Variants in VMP1 observed in about 807,000 individuals in gnomAD.
The protein encoded by VMP1 is vacuole membrane protein 1.
A neutral mutation model predicts 56.0 loss-of-function variants in VMP1; 11 were observed. The observed-to-expected ratio is 0.20, with a 90% CI of 0.12 to 0.32. VMP1 has a LOEUF of 0.32. VMP1 is among the 10% of genes least tolerant of loss of function. The pLI is 1.00. For synonymous variants in VMP1, 149 were observed against 165.0 expected, an observed-to-expected ratio of 0.90 and a Z score of 0.74; for missense variants, 296 against 490.3, an observed-to-expected ratio of 0.60 and a Z score of 3.74.
chr17:59,794,651 G>A (rs2037371497), intron 7 of VMP1, among the ~76,000 whole-genome samples: 1 of 148,472 alleles, frequency 6.7e-6, no homozygotes, highest in Non-Finnish European at 1.5e-5. Context: ...AAAGGAGGGC[G>A]AGAGAGCACT....
At chr17:59,776,120 G>C (rs1290252125) in intron 7 of VMP1, among the ~76,000 whole-genome samples, 1 of 152,064 alleles carries the variant, frequency 6.6e-6, no homozygotes, top group Non-Finnish European at 1.5e-5. Flanking sequence ...GCTAAAACAG[G>C]AGCATTGCTT....
In VMP1 at chr17:59,793,130, G is replaced by A. The variant is rs1484040518; in HGVS notation, c.715-15666G>A. On this transcript the variant is annotated intron_variant, in intron 7 of 11. Coordinates refer to ENST00000262291, the MANE Select transcript of VMP1 (RefSeq NM_030938.5). Reference sequence around the variant, plus strand: ...CGAGTTCAAGCAATTCTCCTGCCTCGGCCTTCCAACGTGCTAGGATTACAG... The same window carrying A: ...CGAGTTCAAGCAATTCTCCTGCCTCAGCCTTCCAACGTGCTAGGATTACAG... 3.6e-5 allele frequency among the ~76,000 whole-genome samples: 4 copies of A among 110,050 alleles called. 1 individual carries two copies. Among genetic ancestry groups the A allele is most frequent in the Non-Finnish European group, 6.7e-5 (3 of 44,536 alleles). 72.2% of individuals were successfully genotyped at this position (110,050 alleles called of 152,430 possible). A position where few individuals can be genotyped will look rare whatever the true frequency, so the allele number is the denominator to read the frequency against.
chr17:59,774,001 AAG>A, intron 7 of VMP1, 116 bp downstream of exon 7: 8 of 1,012,592 alleles, frequency 7.9e-6, no homozygotes, highest in East Asian at 3.0e-5. Flanking sequence ...AAAAAAAAAA[AAG>A]AAAGAAAAAT....
chr17:59,826,887 C>T (rs1271349634), intron 10 of VMP1, among the ~76,000 whole-genome samples: 3 of 152,206 alleles, frequency 2.0e-5, no homozygotes, highest in African/African-American at 7.2e-5. Flanking sequence ...GAAATTTAGA[C>T]TAGAGCACCA....
intron 10 of VMP1, among the ~76,000 whole-genome samples, chr17:59,834,907 A>T (rs1395964163): frequency 6.6e-6 from 1 of 150,604 alleles, no homozygotes; most frequent in Non-Finnish European, 1.5e-5. Flanking sequence ...TACAGGTGTG[A>T]ACCACCGAGG....
intron 7 of VMP1, among the ~76,000 whole-genome samples, chr17:59,808,019 A>G (rs1446823127): frequency 6.6e-6 from 1 of 152,186 alleles, no homozygotes; most frequent in Non-Finnish European, 1.5e-5. Context: ...CAAAACCAGA[A>G]AATAATTAAA....
At chr17:59,819,684 C>G (rs954515453) in intron 10 of VMP1, among the ~76,000 whole-genome samples, 3 of 152,160 alleles carry the variant, frequency 2.0e-5, no homozygotes, top group Admixed American at 6.6e-5. Context: ...AAACTCCTGA[C>G]CTGGTGATCC....
At chr17:59,814,938 A>G (rs2038174825) in intron 9 of VMP1, among the ~76,000 whole-genome samples, 1 of 152,196 alleles carries the variant, frequency 6.6e-6, no homozygotes, top group Admixed American at 6.5e-5. Flanking sequence ...GTGGGTAAAC[A>G]ATATTAGTAA....
At chr17:59,783,868 T>G (rs1471396551) in intron 7 of VMP1, among the ~76,000 whole-genome samples, 3 of 152,082 alleles carry the variant, frequency 2.0e-5, no homozygotes, top group Non-Finnish European at 4.4e-5. Context: ...CCACACAAAG[T>G]AACAAAAATA....
intron 7 of VMP1, among the ~76,000 whole-genome samples, chr17:59,788,697 C>T (rs1221859952): frequency 1.3e-5 from 2 of 150,090 alleles, no homozygotes; most frequent in Admixed American, 1.3e-4. Flanking sequence ...GTCCCAGCTG[C>T]TTGGGAGGCT....
chr17:59,764,862 T>C, intron 5 of VMP1, 109 bp from the exon 6 acceptor site: 1 of 820,464 alleles, frequency 1.2e-6, no homozygotes, highest in South Asian at 4.6e-5. Flanking sequence ...ATTTTTGTTC[T>C]TTGAAAGCTA....
intron 1 of VMP1, among the ~76,000 whole-genome samples, chr17:59,714,103 A>G (rs1327438572): frequency 6.6e-6 from 1 of 151,878 alleles, no homozygotes; most frequent in Non-Finnish European, 1.5e-5. Context: ...TGCTTATACC[A>G]GAATACCCGA....
At chr17:59,798,000 GC>G (rs1458840430) in intron 7 of VMP1, among the ~76,000 whole-genome samples, 1 of 152,208 alleles carries the variant, frequency 6.6e-6, no homozygotes, top group African/African-American at 2.4e-5. Flanking sequence ...TACTAGGAGT[GC>G]CACCAGCAGG....
intron 9 of VMP1, among the ~76,000 whole-genome samples, chr17:59,816,410 A>C (rs573139976): frequency 1.4e-3 from 210 of 152,350 alleles, no homozygotes; most frequent in African/African-American, 4.8e-3. Context: ...TAATATTCAC[A>C]TACCAATTGT....
chr17:59,813,942 A>G (rs1194817735), intron 9 of VMP1, among the ~76,000 whole-genome samples: 1 of 150,238 alleles, frequency 6.7e-6, no homozygotes, highest in African/African-American at 2.5e-5. Flanking sequence ...ACTAGTATAT[A>G]TTTAAACATA....
At chr17:59,789,147 T>C (rs1206148138) in intron 7 of VMP1, among the ~76,000 whole-genome samples, 1 of 149,088 alleles carries the variant, frequency 6.7e-6, no homozygotes. Flanking sequence ...AAAATTAGCC[T>C]GGCGTGGTGG....
At chr17:59,794,619 TG>T (rs555041746) in intron 7 of VMP1, among the ~76,000 whole-genome samples, 70 of 140,668 alleles carry the variant, frequency 5.0e-4, no homozygotes, top group African/African-American at 1.8e-3. Flanking sequence ...ATCTTAATGC[TG>T]GTAACTGGGC....
chr17:59,793,245 C>T (rs924426489), intron 7 of VMP1, among the ~76,000 whole-genome samples: 2 of 113,064 alleles, frequency 1.8e-5, no homozygotes, highest in African/African-American at 5.2e-5. Flanking sequence ...CTTGAACTCC[C>T]GACCTCAGTT....
chr17:59,746,452 G>A (rs559755524), intron 5 of VMP1, among the ~76,000 whole-genome samples: 94 of 152,332 alleles, frequency 6.2e-4, no homozygotes, highest in African/African-American at 2.0e-3. Context: ...GATTACAGGC[G>A]TGAGCCAACA....
Sources: allele counts gnomAD v4.1 joint callset (sites outside exome capture counted in the v4.1 genomes callset), GRCh38; gene constraint gnomAD v4.1.1; transcripts MANE v1.5; gene names NCBI Gene and HGNC (gene_info 2026-07-23, HGNC 2026-07-21).